The following SAMD5 variants were observed in gnomAD, a reference collection of about 807,000 sequenced individuals.
SAMD5 encodes sterile alpha motif domain-containing protein 5.
In SAMD5, 13 loss-of-function variants were observed where a neutral mutation model predicts 11.3. That is an observed-to-expected ratio of 1.15 (90% confidence interval 0.75 to 1.83). The LOEUF (loss-of-function observed/expected upper bound fraction) is 1.83, where lower values mean the gene tolerates loss of function less well. SAMD5 is among the 40% of genes most tolerant of loss of function. The pLI is 0.00. For missense variants in SAMD5, 255 were observed against 239.1 expected, an observed-to-expected ratio of 1.07 and a Z score of -0.44; for synonymous variants, 129 against 111.3, an observed-to-expected ratio of 1.16 and a Z score of -1.00.
the SAMD5 span, among the ~76,000 whole-genome samples, chr6:147,893,823 G>A: frequency 6.6e-6 from 1 of 152,130 alleles, no homozygotes; most frequent in Non-Finnish European, 1.5e-5. Flanking sequence ...TTTGTACTCA[G>A]GTGGAGGTAA....
At chr6:147,520,389 G>A (rs1202774740) in intron 1 of SAMD5, among the ~76,000 whole-genome samples, 1 of 152,092 alleles carries the variant, frequency 6.6e-6, no homozygotes, top group African/African-American at 2.4e-5. Context: ...CAAAGTGCTG[G>A]GATTACAGCC....
chr6:147,696,482 A>C (rs1180210872), intron 1 of SAMD5, among the ~76,000 whole-genome samples: 2 of 152,134 alleles, frequency 1.3e-5, no homozygotes, highest in Non-Finnish European at 2.9e-5. Flanking sequence ...CCTGGTCACC[A>C]CAAGCCTGAT....
intron 1 of SAMD5, among the ~76,000 whole-genome samples, chr6:147,539,057 C>A (rs75843900): frequency 0.015 from 2,347 of 152,200 alleles, 54 homozygotes; most frequent in African/African-American, 0.051. Context: ...GCGCTTGGAG[C>A]AACAGGGCTA....
the SAMD5 span, among the ~76,000 whole-genome samples, chr6:147,815,884 A>G: frequency 6.6e-6 from 1 of 152,144 alleles, no homozygotes; most frequent in Non-Finnish European, 1.5e-5. Flanking sequence ...AGATGATTCC[A>G]AAAATGAGTA....
At chr6:147,738,197 T>C (rs1791833077), downstream of SAMD5, among the ~76,000 whole-genome samples, 1 of 152,060 alleles carries the variant, frequency 6.6e-6, no homozygotes, top group African/African-American at 2.4e-5. Flanking sequence ...ATGGGAAATA[T>C]ATGGTAGTGG....
the SAMD5 span, among the ~76,000 whole-genome samples, chr6:147,881,528 A>G: frequency 6.6e-6 from 1 of 152,168 alleles, no homozygotes; most frequent in East Asian, 1.9e-4. Context: ...TGTGGCCTCC[A>G]TACGGTAGAG....
chr6:147,824,928 A>C, the SAMD5 span, among the ~76,000 whole-genome samples: 2 of 152,160 alleles, frequency 1.3e-5, no homozygotes, highest in Non-Finnish European at 2.9e-5. Flanking sequence ...ACTGTAGTTT[A>C]TTAATTTCGT....
the SAMD5 span, chr6:147,953,894 A>G: frequency 6.6e-6 from 1 of 152,242 alleles, no homozygotes. Flanking sequence ...TTCATATTGC[A>G]AAAGATAATC....
At chr6:147,913,149 C>T in the SAMD5 span, among the ~76,000 whole-genome samples, 1 of 149,680 alleles carries the variant, frequency 6.7e-6, no homozygotes, top group Non-Finnish European at 1.5e-5. Context: ...AAAATGAAAG[C>T]AAATTGAAAC....
intron 1 of SAMD5, among the ~76,000 whole-genome samples, chr6:147,642,660 T>A (rs1161682869): frequency 6.6e-6 from 1 of 152,188 alleles, no homozygotes; most frequent in Non-Finnish European, 1.5e-5. Context: ...AATAAAACAG[T>A]GTTTTATTGA....
the SAMD5 span, among the ~76,000 whole-genome samples, chr6:147,928,512 A>ATCTTCT: frequency 1.3e-5 from 2 of 152,016 alleles, no homozygotes; most frequent in Non-Finnish European, 2.9e-5. Context: ...CCGTGGTAAC[A>ATCTTCT]TCTTCTTTGT....
the SAMD5 span, among the ~76,000 whole-genome samples, chr6:147,766,552 C>G: frequency 6.6e-6 from 1 of 152,126 alleles, no homozygotes; most frequent in African/African-American, 2.4e-5. Context: ...GTGTTTTCAG[C>G]CAACAGTTTT....
chr6:147,637,646 A>G lies in SAMD5; in HGVS notation c.163-99671A>G, dbSNP rs917540686. 3.9e-5 allele frequency among the ~76,000 whole-genome samples: 6 copies of G among 152,316 alleles called. No homozygotes were observed. The East Asian group carries it at 1.2e-3, about 29-fold the overall frequency. On this transcript the variant is annotated intron_variant, in intron 1 of 1. Transcript: ENST00000566741. ...ATACACCTTTTCATTTTGAGAAAGG[A>G]AAAAGAAACCGTTCACCTCAGGAAC... is the stretch of plus-strand genomic sequence containing the variant.
intron 1 of SAMD5, among the ~76,000 whole-genome samples, chr6:147,557,881 C>T (rs570118290): frequency 2.1e-4 from 32 of 152,192 alleles, no homozygotes; most frequent in Non-Finnish European, 3.8e-4. Flanking sequence ...AGGTTGTCTA[C>T]ACTTTAAAGC....
intron 1 of SAMD5, among the ~76,000 whole-genome samples, chr6:147,735,343 TGA>T (rs201032818): frequency 7.0e-4 from 106 of 152,210 alleles, no homozygotes; most frequent in Admixed American, 1.4e-3. Flanking sequence ...GTTGTGGCTT[TGA>T]TTGTTATCGG....
intron 1 of SAMD5, among the ~76,000 whole-genome samples, chr6:147,729,580 T>C (rs1216710633): frequency 6.6e-6 from 1 of 152,058 alleles, no homozygotes; most frequent in East Asian, 1.9e-4. Flanking sequence ...TAGGTGGTAA[T>C]AGGTGCTAAG....
chr6:147,811,929 G>A, the SAMD5 span, among the ~76,000 whole-genome samples: 1 of 152,236 alleles, frequency 6.6e-6, no homozygotes, highest in African/African-American at 2.4e-5. Flanking sequence ...AAATCCAAAA[G>A]GTGTTTAGGT....
the SAMD5 span, among the ~76,000 whole-genome samples, chr6:147,930,622 G>A: frequency 1.3e-5 from 2 of 152,086 alleles, no homozygotes; most frequent in African/African-American, 2.4e-5. Flanking sequence ...GCAGGCAGTG[G>A]CATGACTTGG....
rs541130908 is a variant in SAMD5 at position 147,550,758 on chromosome 6, TGA to T, written c.460-13634_460-13633del. On this transcript the variant is annotated intron_variant, in intron 1 of 1. Transcript: ENST00000367474. ...CAGACATTGGAGACTCAGAAGGGTG[TGA>T]GGTGGGCAGAGGTGAGGGATGAGAA... Among the ~76,000 whole-genome samples the T allele has an allele frequency of 2.6e-5, 4 of 152,162 alleles. No individual in the cohort carries two copies. In the East Asian group the frequency reaches 7.7e-4, roughly 29 times the overall value.
Sources: gnomAD v4.1 joint callset for allele counts (sites outside exome capture counted in the v4.1 genomes callset) on GRCh38, gnomAD v4.1.1 for gene constraint, MANE v1.5 for transcripts, NCBI Gene and HGNC (gene_info 2026-07-23, HGNC 2026-07-21) for gene names.